ADPRHL1: variants seen among roughly 807,000 people sequenced by gnomAD.
The protein encoded by ADPRHL1 is inactive ADP-ribosyltransferase ARH2.
A neutral mutation model predicts 44.1 loss-of-function variants in ADPRHL1; 43 were observed. That is an observed-to-expected ratio of 0.98 (90% confidence interval 0.76 to 1.26). The LOEUF is 1.26. Among genes scored for constraint, ADPRHL1 ranks in the 50% most tolerant of loss-of-function variants. ADPRHL1 has a pLI of 0.00. For missense variants in ADPRHL1, 2,022 were observed against 2,496.9 expected, an observed-to-expected ratio of 0.81 and a Z score of 4.05; for synonymous variants, 878 against 1,017.4, an observed-to-expected ratio of 0.86 and a Z score of 2.61.
chr13:113,406,873 GGGGTCTCTCCCT>G lies in ADPRHL1; in HGVS notation c.2397_2408del (p.Gly800_Pro803del). 1 of 1,232,312 alleles carries G rather than the reference GGGGTCTCTCCCT, an allele frequency of 8.1e-7. No homozygotes were observed. Among genetic ancestry groups the G allele is most frequent in the Non-Finnish European group, 1.0e-6 (1 of 988,238 alleles). 76.3% of individuals were successfully genotyped at this position (1,232,312 alleles called of 1,614,324 possible). A position where few individuals can be genotyped will look rare whatever the true frequency, so the allele number is the denominator to read the frequency against. ...GGAAATACTTCTGGGTGGCAAAGAG[GGGGTCTCTCCCT>G]GGGTCTGGGAAGCCTGCTCCTTCCC... On this transcript the variant is annotated inframe_deletion, in exon 8 of 8. Transcript: ENST00000612156.
chr13:113,428,195 G>T (rs974929292), intron 4 of ADPRHL1, among the ~76,000 whole-genome samples: 7 of 142,260 alleles, frequency 4.9e-5, no homozygotes, highest in African/African-American at 1.8e-4. Context: ...AGTGAGCTGA[G>T]ATTGCATCAT....
In ADPRHL1 at chr13:113,407,704, G is replaced by C; in HGVS notation, c.1578C>G (p.Pro526=). The C allele has an allele frequency of 1.6e-6, 2 of 1,232,102 alleles. No individual in the cohort carries two copies. The highest frequency in any genetic ancestry group is 8.2e-5 in the South Asian group (2 of 24,324). The allele number at this position is 1,232,102 out of a possible 1,614,324, so 76.3% of individuals were successfully genotyped here. Residue 526 remains proline (P), a synonymous_variant, in exon 8 of 8, where the codon CCC becomes CCG. Transcript: ENST00000612156. Reference sequence around the variant, plus strand: ...TGGCGGCTTTGGGCCGCTCCACAGGGGGCTTCTCGCGTGCTTCTTTCTCCT... The same window carrying C: ...TGGCGGCTTTGGGCCGCTCCACAGGCGGCTTCTCGCGTGCTTCTTTCTCCT... ...EAKEKEAREK[P]PVERPKAARG... is the part of the protein sequence containing the mutation.
At chr13:113,433,600 C>G (rs1468167830) in intron 3 of ADPRHL1, 142 bp downstream of exon 3, 1 of 1,400,032 alleles carries the variant, frequency 7.1e-7, no homozygotes, top group Admixed American at 2.3e-5. Context: ...GCAGGGTCAG[C>G]TTCTGTCTCC....
Position 113,422,876 on chromosome 13 carries a change from C to A in ADPRHL1, c.1011G>T (p.Glu337Asp). The change falls in exon 7 of 8, where the codon GAG becomes GAT. Residue 337 changes from glutamate (E) to aspartate (D), a missense_variant. Coordinates refer to ENST00000612156, the MANE Select transcript of ADPRHL1 (RefSeq NM_001394807.1). Reference sequence around the variant, plus strand: ...GAGCCGCGCCCAGGTCCTCCAGCTTCTCCTTGTCCTCCAGGTCCTGGTACA... The same window carrying A: ...GAGCCGCGCCCAGGTCCTCCAGCTTATCCTTGTCCTCCAGGTCCTGGTACA... ...KGLYQDLEDKEKLEDLGAALY... is the reference protein window; with the variant it reads ...KGLYQDLEDKDKLEDLGAALY... 6.2e-7 allele frequency: 1 copy of A among 1,612,956 alleles called. No homozygotes were observed. Among genetic ancestry groups the A allele is most frequent in the African/African-American group, 1.3e-5 (1 of 75,054 alleles).
chr13:113,421,254 C>CGGG (rs2043918956), intron 7 of ADPRHL1, among the ~76,000 whole-genome samples: 1 of 55,316 alleles, frequency 1.8e-5, no homozygotes, highest in Non-Finnish European at 4.5e-5. Flanking sequence ...ACGCCCACCC[C>CGGG]AGGGACACGC....
At chr13:113,413,744 G>A (rs1457456725) in intron 7 of ADPRHL1, among the ~76,000 whole-genome samples, 4 of 152,210 alleles carry the variant, frequency 2.6e-5, no homozygotes, top group South Asian at 2.1e-4. Flanking sequence ...ACCGCTGCCC[G>A]CCCAGCAGTG....
intron 2 of ADPRHL1, among the ~76,000 whole-genome samples, chr13:113,437,531 A>G (rs2044070098): frequency 6.6e-6 from 1 of 152,242 alleles, no homozygotes; most frequent in Non-Finnish European, 1.5e-5. Flanking sequence ...GGCGTGTTCC[A>G]GGCCCTGTGT....
At chr13:113,439,454 T>A (rs2044083002) in intron 2 of ADPRHL1, among the ~76,000 whole-genome samples, 2 of 150,936 alleles carry the variant, frequency 1.3e-5, no homozygotes, top group African/African-American at 4.9e-5. Flanking sequence ...ATTTTTTTTT[T>A]TTTTTTTTTC....
intron 7 of ADPRHL1, among the ~76,000 whole-genome samples, chr13:113,413,153 A>G (rs1031616837): frequency 6.7e-6 from 1 of 148,416 alleles, no homozygotes; most frequent in African/African-American, 2.5e-5. Context: ...ACCCACCGCC[A>G]ACAGCGCCTC....
intron 1 of ADPRHL1, chr13:113,448,931 C>T: frequency 1.0e-6 from 1 of 984,962 alleles, no homozygotes; most frequent in Non-Finnish European, 1.2e-6. Flanking sequence ...TGGCCAGCTG[C>T]ATACCCGAGC....
chr13:113,446,620 T>C (rs544975575), intron 1 of ADPRHL1, among the ~76,000 whole-genome samples: 138 of 152,292 alleles, frequency 9.1e-4, no homozygotes, highest in Admixed American at 1.6e-3. Flanking sequence ...ATGCACAGTG[T>C]TGCCAACACA....
chr13:113,405,708 G>C lies in ADPRHL1; in HGVS notation c.3574C>G (p.Leu1192Val). ...EPKSGAAGRS[L>V]LRGVALVQHP... Reference sequence around the variant, plus strand: ...TGGACGAGGGCCACGCCTCTCAGGAGGCTCCTCCCTGCTGCTCCACTCTTG... The same window carrying C: ...TGGACGAGGGCCACGCCTCTCAGGACGCTCCTCCCTGCTGCTCCACTCTTG... Residue 1192 changes from leucine to valine, a missense_variant, in exon 8 of 8, where the codon CTC becomes GTC. This residue lies in a region of ADPRHL1 where 1,221 missense variants were observed against 1,517.8 expected (regional missense o/e 0.80). Coordinates refer to ENST00000612156, the MANE Select transcript of ADPRHL1 (RefSeq NM_001394807.1). The C allele has an allele frequency of 8.1e-7, 1 of 1,231,940 alleles. No individual in the cohort carries two copies. The highest frequency in any genetic ancestry group is 1.5e-5 in the African/African-American group (1 of 64,556). The allele number at this position is 1,231,940 out of a possible 1,614,324, so 76.3% of individuals were successfully genotyped here.
Position 113,404,432 on chromosome 13 carries a change from T to G in ADPRHL1, c.4850A>C (p.Gln1617Pro), listed in dbSNP as rs1022189464. The G allele has an allele frequency of 2.0e-5, 26 of 1,323,410 alleles. No individual in the cohort carries two copies. In the African/African-American group the frequency reaches 3.8e-4, roughly 19 times the overall value. 82.0% of individuals were successfully genotyped at this position (1,323,410 alleles called of 1,614,324 possible). A position where few individuals can be genotyped will look rare whatever the true frequency, so the allele number is the denominator to read the frequency against. ...CTGGGCCTTTATCTGGGTCTGCCACTGGGCCTGTCCCTGAGCCTCTTCCTG... is the reference window on the plus strand; with the variant it reads ...CTGGGCCTTTATCTGGGTCTGCCACGGGGCCTGTCCCTGAGCCTCTTCCTG... ...WAQEEAQGQA[Q>P]WQTQIKAQKW... Residue 1617 changes from glutamine to proline, a missense_variant, in exon 8 of 8, where the codon CAG becomes CCG. Gln to Pro is a moderately conservative substitution (Grantham distance 76). This residue lies in a region of ADPRHL1 where 78 missense variants were observed against 76.5 expected (regional missense o/e 1.02). Coordinates refer to ENST00000612156, the MANE Select transcript of ADPRHL1 (RefSeq NM_001394807.1).
chr13:113,403,486 C>T lies in ADPRHL1; in HGVS notation c.5796G>A (p.Arg1932=). Residue 1932 remains arginine (R), a synonymous_variant, in exon 8 of 8, where the codon AGG becomes AGA. Coordinates refer to ENST00000612156, the MANE Select transcript of ADPRHL1 (RefSeq NM_001394807.1). ...TCTGGGCTTTGTACTTGGCCAGGTG[C>T]CTGGACCTCCCGCGACGCTCGGGCT... ...ASEPERRGRS[R]HLAKYKAQSF... The T allele has an allele frequency of 8.1e-7, 1 of 1,232,064 alleles. No individual in the cohort carries two copies. Among genetic ancestry groups the T allele is most frequent in the Non-Finnish European group, 1.0e-6 (1 of 988,018 alleles). The allele number at this position is 1,232,064 out of a possible 1,614,324, so 76.3% of individuals were successfully genotyped here.
chr13:113,419,058 CCTTCCTTCACTCCCTCCTTCCTTCCTT>C (rs2043901901), intron 7 of ADPRHL1, among the ~76,000 whole-genome samples: 2 of 103,876 alleles, frequency 1.9e-5, no homozygotes, highest in Non-Finnish European at 4.2e-5. Flanking sequence ...TCCTTCTTCT[CCTTCCTTCACTCCCTCCTTCCTTCCTT>C]CTTCCCTCCC....
At chr13:113,440,462 T>TC (rs2044089112) in intron 2 of ADPRHL1, among the ~76,000 whole-genome samples, 1 of 151,734 alleles carries the variant, frequency 6.6e-6, no homozygotes, top group Non-Finnish European at 1.5e-5. Context: ...TTCCATCTTT[T>TC]TTTTTTTTTT....
rs1018648 is a variant in ADPRHL1 at position 113,402,882 on chromosome 13, A to G, written c.*496T>C. On this transcript the variant is annotated 3_prime_UTR_variant, in exon 8 of 8. Transcript: ENST00000612156. Reference sequence around the variant, plus strand: ...GAGTCATGGGGGTGGGGCGGTGTGCATCACTTTGGGCCCATGGATGGTGGG... The same window carrying G: ...GAGTCATGGGGGTGGGGCGGTGTGCGTCACTTTGGGCCCATGGATGGTGGG... The G allele has an allele frequency of 0.65, 98,940 of 152,456 alleles. 33,710 individuals are homozygous for G. The highest frequency in any genetic ancestry group is 0.84 in the African/African-American group (34,713 of 41,504). 9.4% of individuals were successfully genotyped at this position (152,456 alleles called of 1,614,324 possible).
At chr13:113,429,114 G>GAGA in intron 3 of ADPRHL1, 22 bp from the exon 4 acceptor site, 2 of 1,601,656 alleles carry the variant, frequency 1.2e-6, no homozygotes, top group Non-Finnish European at 1.7e-6. Flanking sequence ...GGAAGAGAGA[G>GAGA]GGGGCACCAT....
At chr13:113,417,888 G>A (rs1166362690) in intron 7 of ADPRHL1, among the ~76,000 whole-genome samples, 1 of 152,220 alleles carries the variant, frequency 6.6e-6, no homozygotes, top group African/African-American at 2.4e-5. Flanking sequence ...GCATTTCAAT[G>A]ATGGAGTTTT....
Sources: allele counts gnomAD v4.1 joint callset (sites outside exome capture counted in the v4.1 genomes callset), GRCh38; gene constraint gnomAD v4.1.1; regional missense constraint gnomAD v4.1.1; transcripts MANE v1.5; gene names NCBI Gene and HGNC (gene_info 2026-07-23, HGNC 2026-07-21).